Variants in MGAM2 observed in about 807,000 individuals in gnomAD.
The protein encoded by MGAM2 is maltase-glucoamylase 2 (putative), also known as probable maltase-glucoamylase 2.
In MGAM2, 98 loss-of-function variants were observed where a neutral mutation model predicts 96.1. The observed-to-expected ratio is 1.02, with a 90% CI of 0.87 to 1.21. The LOEUF (loss-of-function observed/expected upper bound fraction) is 1.21. Among genes scored for constraint, MGAM2 ranks in the 50% most tolerant of loss-of-function variants. MGAM2 has a pLI of 0.00. For synonymous variants in MGAM2, 749 were observed against 414.8 expected (o/e 1.81, Z -9.79); for missense variants, 2,055 against 1,182.4 (o/e 1.74, Z -10.82).
In MGAM2 at chr7:142,170,234, G is replaced by A; in HGVS notation, c.3182+5G>A. 1.4e-6 allele frequency: 1 copy of A among 701,022 alleles called. No individual in the cohort carries two copies. The allele number at this position is 701,022 out of a possible 1,614,324, so 43.4% of individuals were successfully genotyped here. On this transcript the variant is annotated splice_donor_5th_base_variant and intron_variant, in intron 27 of 47. Transcript: ENST00000477922. ...CAAAAACTCCAGCACTGTGATGTAA[G>A]CACTATTTATTTGATTCTAATTAGA...
At chr7:142,154,641 G>A in intron 16 of MGAM2, 88 bp from the exon 17 acceptor site, 1 of 666,364 alleles carries the variant, frequency 1.5e-6, no homozygotes, top group Non-Finnish European at 2.7e-6. Context: ...GTGACAAAGA[G>A]GTTCTCTTTT....
intron 9 of MGAM2, among the ~76,000 whole-genome samples, chr7:142,137,948 C>T (rs1413011413): frequency 1.3e-5 from 2 of 152,226 alleles, no homozygotes; most frequent in African/African-American, 4.8e-5. Flanking sequence ...GCTGCAGTGG[C>T]TCATGCTTGT....
chr7:142,131,546 A>T lies in MGAM2; in HGVS notation c.339A>T (p.Pro113=), dbSNP rs1172743047. ...TGFTAQLKRL[P]SPSLFGNDVA... ...TTACTGCCCAGTTGAAAAGGTTGCC[A>T]TCACCATCTCTGTTTGGAAATGATG... The change falls in exon 5 of 48, where the codon CCA becomes CCT. Residue 113 remains proline, a synonymous_variant. Coordinates refer to ENST00000477922, the MANE Select transcript of MGAM2 (RefSeq NM_001293626.2). 4 of 702,870 alleles carry T rather than the reference A, an allele frequency of 5.7e-6. No individual in the cohort carries two copies. Among genetic ancestry groups the T allele is most frequent in the Non-Finnish European group, 1.0e-5 (4 of 384,964 alleles). The allele number at this position is 702,870 out of a possible 1,614,324, so 43.5% of individuals were successfully genotyped here.
chr7:142,130,062 T>C (rs940749268), intron 3 of MGAM2, among the ~76,000 whole-genome samples: 2 of 152,104 alleles, frequency 1.3e-5, no homozygotes, highest in Non-Finnish European at 2.9e-5. Context: ...CATAACAAAA[T>C]AATTTTATGT....
chr7:142,136,825 T>C (rs1040592511), intron 8 of MGAM2, among the ~76,000 whole-genome samples, 185 bp downstream of exon 8: 2 of 152,240 alleles, frequency 1.3e-5, no homozygotes, highest in Admixed American at 6.5e-5. Flanking sequence ...TACTTGACAT[T>C]GTTTTCATTG....
chr7:142,207,879 T>G (rs1181067439), intron 45 of MGAM2, among the ~76,000 whole-genome samples: 1 of 152,012 alleles, frequency 6.6e-6, no homozygotes, highest in Non-Finnish European at 1.5e-5. Context: ...TAGGGAAGAA[T>G]CGATGGAATA....
chr7:142,191,670 T>A (rs906374520), intron 37 of MGAM2, among the ~76,000 whole-genome samples: 1 of 152,140 alleles, frequency 6.6e-6, no homozygotes, highest in African/African-American at 2.4e-5. Context: ...TCTTCCAATT[T>A]TTTTTTCAAG....
chr7:142,137,543 G>T lies in MGAM2; in HGVS notation c.958G>T (p.Glu320Ter), dbSNP rs1563254363. ...AGAACAAGTGGTTCAGGAATACTTG[G>T]AGGTATGTCTTTGCATTTAGATAGT... Reference protein sequence around the residue: ...TPEQVVQEYLELVGRPFFPPY... With the variant: ...TPEQVVQEYL The change falls in exon 9 of 48, where the codon GAG (glutamate) becomes TAG (stop). Residue 320 changes from glutamate (E) to a stop codon, truncating the protein, a stop_gained and splice_region_variant. Transcript: ENST00000477922. LOFTEE classifies it high-confidence loss of function. 1.4e-6 allele frequency: 1 copy of T among 695,658 alleles called. No homozygotes were observed. Among genetic ancestry groups the T allele is most frequent in the African/African-American group, 1.8e-5 (1 of 56,806 alleles). The allele number at this position is 695,658 out of a possible 1,614,324, so 43.1% of individuals were successfully genotyped here. A position where few individuals can be genotyped will look rare whatever the true frequency, so the allele number is the denominator to read the frequency against.
At chr7:142,143,694 T>C in intron 12 of MGAM2, 75 bp from the exon 13 acceptor site, 4 of 479,252 alleles carry the variant, frequency 8.3e-6, no homozygotes. Flanking sequence ...AGGCTCCTAG[T>C]AGAAGAAATC....
At chr7:142,203,494 A>G (rs891034253) in intron 45 of MGAM2, among the ~76,000 whole-genome samples, 2 of 152,162 alleles carry the variant, frequency 1.3e-5, no homozygotes, top group Non-Finnish European at 2.9e-5. Flanking sequence ...TTAGAAAAAA[A>G]CTATTCTAAA....
intron 26 of MGAM2, among the ~76,000 whole-genome samples, chr7:142,168,772 C>T (rs753988090): frequency 1.3e-4 from 19 of 151,726 alleles, no homozygotes; most frequent in Non-Finnish European, 2.2e-4. Context: ...TTAACCAATG[C>T]GCTAAAATAT....
chr7:142,177,243 A>G (rs1194704580), intron 32 of MGAM2, among the ~76,000 whole-genome samples: 1 of 152,216 alleles, frequency 6.6e-6, no homozygotes, highest in Non-Finnish European at 1.5e-5. Context: ...TCATGGTGGC[A>G]GACAAGAGAA....
At position 142,154,116 on chromosome 7, in the gene MGAM2, A is replaced by G; in HGVS notation, c.1733A>G (p.Asn578Ser). 1.4e-6 allele frequency: 1 copy of G among 692,796 alleles called. No individual in the cohort carries two copies. The allele number at this position is 692,796 out of a possible 1,614,324, so 42.9% of individuals were successfully genotyped here. Residue 578 changes from asparagine to serine, a missense_variant, in exon 16 of 48, where the codon AAT (asparagine) becomes AGT (serine). Transcript: ENST00000477922. The stretch of plus-strand genomic sequence containing the variant: ...TTTGCTGCTCATTGGCTGGGGGACA[A>G]TGCGGCCACATGGGATGACCTCCGA... ...GKFAAHWLGD[N>S]AATWDDLRWS...
intron 17 of MGAM2, among the ~76,000 whole-genome samples, chr7:142,156,037 T>A (rs1795725720): frequency 6.6e-6 from 1 of 151,860 alleles, no homozygotes; most frequent in Non-Finnish European, 1.5e-5. Flanking sequence ...CCCAGCTACT[T>A]GGGAGGCTGA....
At chr7:142,211,870 A>G (rs1223820425) in intron 46 of MGAM2, among the ~76,000 whole-genome samples, 1 of 152,166 alleles carries the variant, frequency 6.6e-6, no homozygotes, top group African/African-American at 2.4e-5. Flanking sequence ...AAGAAGAGCA[A>G]CCCCACGACA....
chr7:142,172,821 A>C lies in MGAM2; in HGVS notation c.3561+57A>C, dbSNP rs1051583324. 1.4e-5 allele frequency: 9 copies of C among 652,764 alleles called. No individual in the cohort carries two copies. The African/African-American group carries it at 1.6e-4, about 12-fold the overall frequency. The allele number at this position is 652,764 out of a possible 1,614,324, so 40.4% of individuals were successfully genotyped here. On this transcript the variant is annotated intron_variant, in intron 30 of 47. Coordinates refer to ENST00000477922, the MANE Select transcript of MGAM2 (RefSeq NM_001293626.2). Reference sequence around the variant, plus strand: ...TCAAATATTTATTGGCTATTACCACATTATTAGCACTGAGATAGGGCAGTT... The same window carrying C: ...TCAAATATTTATTGGCTATTACCACCTTATTAGCACTGAGATAGGGCAGTT...
At chr7:142,188,650 A>G (rs1022778092) in intron 36 of MGAM2, among the ~76,000 whole-genome samples, 1 of 152,200 alleles carries the variant, frequency 6.6e-6, no homozygotes, top group Non-Finnish European at 1.5e-5. Context: ...GGTCTGACTT[A>G]TGATTTTCAA....
chr7:142,142,909 T>C (rs1023753592), intron 12 of MGAM2, among the ~76,000 whole-genome samples: 5 of 152,166 alleles, frequency 3.3e-5, no homozygotes, highest in Non-Finnish European at 7.3e-5. Context: ...AGGTTGAATG[T>C]TGCTGTAGGT....
chr7:142,135,217 G>A (rs555132262), intron 7 of MGAM2, among the ~76,000 whole-genome samples: 80 of 152,298 alleles, frequency 5.3e-4, no homozygotes, highest in African/African-American at 1.9e-3. Context: ...ACCAGCATCG[G>A]ATACAATGGA....
Sources: allele counts gnomAD v4.1 joint callset (sites outside exome capture counted in the v4.1 genomes callset), GRCh38; gene constraint gnomAD v4.1.1; transcripts MANE v1.5; gene names NCBI Gene and HGNC (gene_info 2026-07-23, HGNC 2026-07-21).